The following ZZEF1 variants were observed in gnomAD, a reference collection of about 807,000 sequenced individuals.
ZZEF1 encodes the protein zinc finger ZZ-type and EF-hand domain containing 1, also known as zinc finger ZZ-type and EF-hand domain-containing protein 1.
In ZZEF1, 157 loss-of-function variants were observed where a neutral mutation model predicts 342.8. The observed-to-expected ratio is 0.46, with a 90% confidence interval of 0.40 to 0.52. The LOEUF (loss-of-function observed/expected upper bound fraction) is 0.52, where lower values mean the gene tolerates loss of function less well. Ranked by LOEUF, ZZEF1 falls within the 20% of genes least tolerant of loss-of-function variation. The pLI is 0.00. For missense variants in ZZEF1, 3,480 were observed against 3,725.6 expected (o/e 0.93, Z 1.72); for synonymous variants, 1,505 against 1,429.1 (o/e 1.05, Z -1.20).
In ZZEF1 at chr17:4,014,353, G is replaced by A. The variant is rs138525851; in HGVS notation, c.8308C>T (p.Leu2770Phe). Residue 2770 changes from leucine (L) to phenylalanine (F), a missense_variant, in exon 50 of 55, where the codon CTT (leucine) becomes TTT (phenylalanine). This residue lies in a region of ZZEF1 where 1,269 missense variants were observed against 1,342.4 expected (regional missense o/e 0.95). Coordinates refer to ENST00000381638, the MANE Select transcript of ZZEF1 (RefSeq NM_015113.4). This position sits in a 1 kb window ranked among gnomAD's most constrained non-coding sequence, Gnocchi z 4.4. ...GSQQKWKDFE[L>F]PGDTLYYRFT... is the part of the protein sequence containing the mutation. ...CGAGTATTTGTTTCACTACCTGGAAGTTCAAAATCTTTCCACTTCTGCTGA... is the reference window on the plus strand; with the variant it reads ...CGAGTATTTGTTTCACTACCTGGAAATTCAAAATCTTTCCACTTCTGCTGA... 2 of 1,614,084 alleles carry A rather than the reference G, an allele frequency of 1.2e-6. No homozygotes were observed. Among genetic ancestry groups the A allele is most frequent in the African/African-American group, 1.3e-5 (1 of 74,936 alleles).
chr17:4,069,011 T>C (rs888694794), intron 26 of ZZEF1, among the ~76,000 whole-genome samples: 1 of 152,158 alleles, frequency 6.6e-6, no homozygotes, highest in African/African-American at 2.4e-5. Flanking sequence ...CTGGCCTCCT[T>C]CAAACCAATA....
At chr17:4,047,929 A>T (rs988473068) in intron 37 of ZZEF1, among the ~76,000 whole-genome samples, 1 of 152,116 alleles carries the variant, frequency 6.6e-6, no homozygotes, top group African/African-American at 2.4e-5. Flanking sequence ...CAACAGAGTG[A>T]GACCCTGTCT....
rs770329801 is a variant in ZZEF1 at position 4,087,586 on chromosome 17, A to C, written c.2242-52T>G. Reference sequence around the variant, plus strand: ...ATAAAACTGAAAAATGCATTTAGAGAAATACTGTAATGCCTCATTTACTTC... The same window carrying C: ...ATAAAACTGAAAAATGCATTTAGAGCAATACTGTAATGCCTCATTTACTTC... On this transcript the variant is annotated intron_variant, in intron 13 of 54. Coordinates refer to ENST00000381638, the MANE Select transcript of ZZEF1 (RefSeq NM_015113.4). 3 of 1,477,514 alleles carry C rather than the reference A, an allele frequency of 2.0e-6. No homozygotes were observed. The South Asian group carries it at 3.7e-5, about 18-fold the overall frequency. 91.5% of individuals were successfully genotyped at this position (1,477,514 alleles called of 1,614,324 possible).
chr17:4,038,782 G>T (rs1306818255), intron 39 of ZZEF1, among the ~76,000 whole-genome samples: 1 of 151,766 alleles, frequency 6.6e-6, no homozygotes, highest in African/African-American at 2.4e-5. Context: ...CTCCAGCCTG[G>T]GCAACAGAGC....
chr17:4,064,893 G>C, intron 28 of ZZEF1, 64 bp from the exon 29 acceptor site: 2 of 1,227,840 alleles, frequency 1.6e-6, no homozygotes, highest in Non-Finnish European at 2.3e-6. Context: ...GAGGGGGAGG[G>C]GAGAGGGATA....
chr17:4,088,618 C>A (rs2057885326), intron 13 of ZZEF1, 60 bp downstream of exon 13: 5 of 1,567,662 alleles, frequency 3.2e-6, no homozygotes, highest in Non-Finnish European at 4.3e-6. Context: ...GTTCATTTCT[C>A]TGAATACTGT....
rs941097851 is a variant in ZZEF1, at chr17:4,081,357, G to A, written c.2829+19C>T. 6.2e-6 allele frequency: 10 copies of A among 1,600,252 alleles called. No homozygotes were observed. The highest frequency in any genetic ancestry group is 1.3e-5 in the African/African-American group (1 of 74,558). On this transcript the variant is annotated intron_variant, in intron 18 of 54. Transcript: ENST00000381638. ...CACAAGCATGAGACAAAGAAAACAG[G>A]GAGGCAGCCACTGGATACCTCTCGA...
chr17:4,057,941 T>C, intron 32 of ZZEF1, 53 bp downstream of exon 32: 1 of 1,571,750 alleles, frequency 6.4e-7, no homozygotes, highest in South Asian at 1.2e-5. Context: ...ACTATGTTCC[T>C]TGCGTTTCAT....
chr17:4,067,320 A>T, intron 26 of ZZEF1, 78 bp from the exon 27 acceptor site: 8 of 1,186,834 alleles, frequency 6.7e-6, no homozygotes, highest in Non-Finnish European at 9.6e-6. Context: ...AAAAAATCTA[A>T]ATCTGCTGAA....
At chr17:4,035,943 T>C (rs1208732207) in intron 39 of ZZEF1, among the ~76,000 whole-genome samples, 2 of 151,672 alleles carry the variant, frequency 1.3e-5, no homozygotes, top group Non-Finnish European at 2.9e-5. Flanking sequence ...CTACTAAACA[T>C]ATAAAAATTA....
chr17:4,051,030 G>A lies in ZZEF1; in HGVS notation c.5614C>T (p.His1872Tyr), dbSNP rs1011754784. 2 of 1,614,148 alleles carry A rather than the reference G, an allele frequency of 1.2e-6. No individual in the cohort carries two copies. The change falls in exon 36 of 55, where the codon CAC becomes TAC. Residue 1872 changes from histidine to tyrosine, a missense_variant. His to Tyr is a moderately conservative substitution (Grantham distance 83). Transcript: ENST00000381638. ...ACCATTGGGTGGGCCGTGATGCTGT[G>A]GGTAGGCAAATGGCTGCAAAGGCAA... ...KKYSYGHLPTHSITAHPMVTI... is the reference protein window; with the variant it reads ...KKYSYGHLPTYSITAHPMVTI...
chr17:4,142,470 G>A (rs1409326564), intron 1 of ZZEF1, 72 bp downstream of exon 1: 3 of 1,502,540 alleles, frequency 2.0e-6, no homozygotes, highest in East Asian at 2.4e-5. Flanking sequence ...CAAAGCAAAT[G>A]CCCACCTCTT....
chr17:4,135,429 TCAC>T (rs2058732584), intron 1 of ZZEF1, among the ~76,000 whole-genome samples: 1 of 151,476 alleles, frequency 6.6e-6, no homozygotes, highest in Admixed American at 6.6e-5. Flanking sequence ...TGAGCTGAAA[TCAC>T]CACTGCACTG....
chr17:4,066,653 T>C lies in ZZEF1; in HGVS notation c.4156-113A>G, dbSNP rs146759597. On this transcript the variant is annotated intron_variant, in intron 27 of 54. Coordinates refer to ENST00000381638, the MANE Select transcript of ZZEF1 (RefSeq NM_015113.4). ...CTGACACCACAGAGTACTTCACAGT[T>C]GTATCATTTAGAGGGGTTTGTAATA... is the stretch of plus-strand genomic sequence containing the variant. 7 of 891,758 alleles carry C rather than the reference T, an allele frequency of 7.8e-6. No homozygotes were observed. In the East Asian group the frequency reaches 1.7e-4, roughly 21 times the overall value. The allele number at this position is 891,758 out of a possible 1,614,324, so 55.2% of individuals were successfully genotyped here.
Position 4,115,036 on chromosome 17 carries a change from T to G in ZZEF1, c.695-566A>C, listed in dbSNP as rs75846106. Among the ~76,000 whole-genome samples the G allele has an allele frequency of 3.5e-4, 54 of 152,220 alleles. 2 individuals carry two copies. The highest frequency in any genetic ancestry group is 2.4e-4 in the Non-Finnish European group (16 of 68,006). On this transcript the variant is annotated intron_variant, in intron 3 of 54. Transcript: ENST00000381638. The stretch of plus-strand genomic sequence containing the variant: ...ACCCACGTGCTTTTTTTTGTTGAGA[T>G]TTTTTTGAGAGGGTCTCACTCTGTT...
At chr17:4,118,353 G>A (rs753529895) in intron 2 of ZZEF1, among the ~76,000 whole-genome samples, 2 of 152,128 alleles carry the variant, frequency 1.3e-5, no homozygotes, top group Non-Finnish European at 2.9e-5. Flanking sequence ...ACCAAGGCCC[G>A]GAGCTGTCTC....
rs1425598721 is a variant in ZZEF1 at position 4,116,965 on chromosome 17, C to T, written c.694+7G>A. The T allele has an allele frequency of 1.3e-6, 2 of 1,597,174 alleles. No homozygotes were observed. Among genetic ancestry groups the T allele is most frequent in the Admixed American group, 3.4e-5 (2 of 58,730 alleles). On this transcript the variant is annotated splice_region_variant and intron_variant, in intron 3 of 54. Transcript: ENST00000381638. ...GTATTTTCAGGAGAACCCCCACACACACATACCCTTTTCCTTTTGTACCAG... is the reference window on the plus strand; with the variant it reads ...GTATTTTCAGGAGAACCCCCACACATACATACCCTTTTCCTTTTGTACCAG...
chr17:4,075,824 A>T (rs879424788), intron 21 of ZZEF1: 2 of 83,480 alleles, frequency 2.4e-5, no homozygotes, highest in Admixed American at 1.6e-4. Flanking sequence ...TTTTCTTTTG[A>T]GCGGGGGGTT....
At position 4,062,847 on chromosome 17, in the gene ZZEF1, G is replaced by A. The variant is rs2145223506; in HGVS notation, c.4789C>T (p.His1597Tyr). ...GGCTGCCCAAGGGATTCTGCACAGT[G>A]CTGAGTTATCTTCAGGACTTCCAGG... ...SILEVLKITQ[H>Y]CAESLGQPHC... The change falls in exon 30 of 55, where the codon CAC (histidine) becomes TAC (tyrosine). Residue 1597 changes from histidine to tyrosine, a missense_variant. By Grantham distance (83) the His-to-Tyr change is moderately conservative (BLOSUM62 2). Around this residue, in one of 5 missense-constraint regions of ZZEF1, gnomAD observed 1,528 missense variants for 1,624.1 expected, o/e 0.94. Coordinates refer to ENST00000381638, the MANE Select transcript of ZZEF1 (RefSeq NM_015113.4). The A allele has an allele frequency of 6.2e-7, 1 of 1,613,630 alleles. No individual in the cohort carries two copies. The highest frequency in any genetic ancestry group is 8.5e-7 in the Non-Finnish European group (1 of 1,179,812).
Sources: gnomAD v4.1 joint callset for allele counts (sites outside exome capture counted in the v4.1 genomes callset) on GRCh38, gnomAD v4.1.1 for gene constraint, gnomAD v4.1.1 regional missense constraint, Gnocchi (gnomAD v3.1) non-coding constraint, MANE v1.5 for transcripts, NCBI Gene and HGNC (gene_info 2026-07-23, HGNC 2026-07-21) for gene names.